The following SLC75A1 variants were observed in gnomAD, a reference collection of about 807,000 sequenced individuals.
SLC75A1 encodes major facilitator superfamily domain containing 10.
the SLC75A1 span, chr4:2,931,515 AGGG>A: frequency 6.3e-7 from 1 of 1,596,010 alleles, no homozygotes; most frequent in East Asian, 2.3e-5. Context: ...TGCAGGACTC[AGGG>A]GACTGCCTGC....
At chr4:2,930,929 G>C in the SLC75A1 span, 8 of 1,613,038 alleles carry the variant, frequency 5.0e-6, no homozygotes, top group Non-Finnish European at 6.8e-6. Flanking sequence ...GGTGAAGCAG[G>C]CCTGGGCCCC....
At chr4:2,931,578 C>T in the SLC75A1 span, 15 of 1,612,844 alleles carry the variant, frequency 9.3e-6, no homozygotes, top group Admixed American at 5.0e-5. Flanking sequence ...GCAACTTCCC[C>T]GCCAGGGTGG....
At chr4:2,934,290 TC>T in the SLC75A1 span, 1 of 255,352 alleles carries the variant, frequency 3.9e-6, no homozygotes. Context: ...CGGATCCCGA[TC>T]CCGATCCCGA....
the SLC75A1 span, chr4:2,930,723 C>T: frequency 8.2e-7 from 1 of 1,224,174 alleles, no homozygotes; most frequent in Non-Finnish European, 1.1e-6. Flanking sequence ...TAGGGGCCGG[C>T]CCCCACCCAC....
At chr4:2,932,333 C>A in the SLC75A1 span, 2 of 1,608,378 alleles carry the variant, frequency 1.2e-6, no homozygotes, top group Non-Finnish European at 1.7e-6. Context: ...GCCTGTGGGT[C>A]CCAGACCACA....
chr4:2,932,723 G>A, the SLC75A1 span: 5 of 1,595,204 alleles, frequency 3.1e-6, no homozygotes, highest in Non-Finnish European at 4.3e-6. Context: ...AGCTCCGAGA[G>A]GTGGCCCAGA....
the SLC75A1 span, chr4:2,933,708 G>A: frequency 6.2e-7 from 1 of 1,609,744 alleles, no homozygotes; most frequent in African/African-American, 1.3e-5. Context: ...GGTCTGATGG[G>A]CCTGGGGGGC....
At chr4:2,933,895 G>A in the SLC75A1 span, 4 of 1,574,742 alleles carry the variant, frequency 2.5e-6, no homozygotes, top group Non-Finnish European at 2.6e-6. Flanking sequence ...TGGGCGCGGG[G>A]TGCAGCCTCC....
At chr4:2,931,065 AGCG>A in the SLC75A1 span, 3 of 1,604,756 alleles carry the variant, frequency 1.9e-6, no homozygotes. Context: ...CCTCACCTGA[AGCG>A]GCCACCAGGG....
At chr4:2,931,574 T>C in the SLC75A1 span, 2 of 1,612,610 alleles carry the variant, frequency 1.2e-6, no homozygotes, top group East Asian at 4.5e-5. Flanking sequence ...GGCAGCAACT[T>C]CCCCGCCAGG....
chr4:2,934,429 G>C, the SLC75A1 span: 1 of 146,298 alleles, frequency 6.8e-6, no homozygotes, highest in Admixed American at 6.8e-5. Context: ...AACCCCGCGC[G>C]CCTCCCACTC....
the SLC75A1 span, chr4:2,934,392 G>C: frequency 5.7e-6 from 1 of 174,330 alleles, no homozygotes; most frequent in Non-Finnish European, 1.2e-5. Flanking sequence ...GGGCCATGGG[G>C]TGCACACCGG....
chr4:2,932,068 C>T, the SLC75A1 span: 5 of 1,610,886 alleles, frequency 3.1e-6, no homozygotes, highest in South Asian at 5.5e-5. Flanking sequence ...TGGGTCCTGG[C>T]CACGAGCGAC....
the SLC75A1 span, chr4:2,931,711 G>C: frequency 5.7e-6 from 9 of 1,578,954 alleles, no homozygotes; most frequent in South Asian, 1.1e-5. Flanking sequence ...GGGCCACCCA[G>C]GGCAGGGCCA....
At chr4:2,931,192 G>A in the SLC75A1 span, 3,213 of 1,557,840 alleles carry the variant, frequency 2.1e-3, 50 homozygotes, top group African/African-American at 0.031. Flanking sequence ...CCCTTCTCCC[G>A]CTCAGGTGGC....
chr4:2,930,964 A>ACGCT, the SLC75A1 span: 1 of 1,612,912 alleles, frequency 6.2e-7, no homozygotes, highest in South Asian at 1.1e-5. Flanking sequence ...CTGCGGAGAG[A>ACGCT]CGGTGGCGTC....
At chr4:2,933,585 T>C in the SLC75A1 span, 4 of 1,613,814 alleles carry the variant, frequency 2.5e-6, no homozygotes, top group Non-Finnish European at 3.4e-6. Flanking sequence ...AGGACACTGT[T>C]GTACCTCTTC....
the SLC75A1 span, chr4:2,933,706 G>A: frequency 1.2e-6 from 2 of 1,609,764 alleles, no homozygotes; most frequent in Non-Finnish European, 1.7e-6. Flanking sequence ...GAGGTCTGAT[G>A]GGCCTGGGGG....
At chr4:2,933,493 G>C in the SLC75A1 span, 9 of 1,496,270 alleles carry the variant, frequency 6.0e-6, no homozygotes, top group South Asian at 9.1e-5. Context: ...GAATTGGGGA[G>C]GGGCCTGGGC....
Sources: allele counts gnomAD v4.1 joint callset, GRCh38; gene constraint gnomAD v4.1.1; transcripts MANE v1.5; gene names NCBI Gene and HGNC (gene_info 2026-07-23, HGNC 2026-07-21).